GALNT14: variants seen among roughly 807,000 people sequenced by gnomAD.
The protein encoded by GALNT14 is polypeptide N-acetylgalactosaminyltransferase 14, also known as UDP-GalNAc:polypeptide N-acetylgalactosaminyltransferase 14.
In GALNT14, 60 loss-of-function variants were observed where a neutral mutation model predicts 77.5. The observed-to-expected ratio is 0.77, with a 90% CI of 0.63 to 0.96. The LOEUF (loss-of-function observed/expected upper bound fraction) is 0.96, where lower values mean the gene tolerates loss of function less well. Among genes scored for constraint, GALNT14 ranks in the 40% least tolerant of loss-of-function variants. The pLI, the probability that GALNT14 is intolerant of heterozygous loss-of-function variation, is 0.00. For missense variants in GALNT14, 710 were observed against 731.0 expected, an observed-to-expected ratio of 0.97 and a Z score of 0.33; for synonymous variants, 280 against 281.7, an observed-to-expected ratio of 0.99 and a Z score of 0.06.
the GALNT14 span, among the ~76,000 whole-genome samples, chr2:30,892,764 A>G: frequency 6.6e-5 from 10 of 152,210 alleles, no homozygotes; most frequent in African/African-American, 2.2e-4. Context: ...CAATGCTGAT[A>G]TCCTGACTTC....
intron 1 of GALNT14, chr2:31,079,068 T>C (rs1350432718): frequency 8.0e-7 from 1 of 1,251,204 alleles, no homozygotes; most frequent in Non-Finnish European, 1.0e-6. Flanking sequence ...TTTTCAATTC[T>C]AGAAAACATA....
Position 30,992,922 on chromosome 2 carries a change from T to A in GALNT14, c.215A>T (p.Asp72Val), listed in dbSNP as rs1558474417. The A allele has an allele frequency of 3.1e-6, 5 of 1,613,960 alleles. No individual in the cohort carries two copies. Among genetic ancestry groups the A allele is most frequent in the Non-Finnish European group, 4.2e-6 (5 of 1,179,964 alleles). ...GTTGAAAGCATACAGCTTATAGGGG[T>A]CGTCACCAACGCGCCACTTTTTGGC... ...LNAKKWRVGD[D>V]PYKLYAFNQR... The change falls in exon 2 of 15, where the codon GAC becomes GTC. Residue 72 changes from aspartate (D) to valine (V), a missense_variant. Transcript: ENST00000349752.
At chr2:31,047,627 C>A (rs1472343960) in intron 1 of GALNT14, among the ~76,000 whole-genome samples, 1 of 152,200 alleles carries the variant, frequency 6.6e-6, no homozygotes, top group Non-Finnish European at 1.5e-5. Context: ...GAGCTAGTGA[C>A]CTTGAGGGGT....
intron 1 of GALNT14, among the ~76,000 whole-genome samples, chr2:30,995,324 A>T (rs955940793): frequency 6.6e-6 from 1 of 152,176 alleles, no homozygotes; most frequent in African/African-American, 2.4e-5. Context: ...ACACATACTT[A>T]CCATTGTGTT....
the GALNT14 span, among the ~76,000 whole-genome samples, chr2:30,896,390 A>C: frequency 6.6e-6 from 1 of 152,250 alleles, no homozygotes; most frequent in African/African-American, 2.4e-5. Context: ...GCCTAGAACC[A>C]GAACCCAGAA....
intron 11 of GALNT14, among the ~76,000 whole-genome samples, chr2:30,925,159 G>C (rs731325): frequency 0.021 from 3,270 of 152,200 alleles, 79 homozygotes; most frequent in East Asian, 0.076. Context: ...TTTACCGCTG[G>C]GGCTCTGGGC....
intron 6 of GALNT14, among the ~76,000 whole-genome samples, chr2:30,947,330 C>G (rs1402723386): frequency 6.6e-6 from 1 of 152,226 alleles, no homozygotes; most frequent in African/African-American, 2.4e-5. Context: ...AAGAACAGGC[C>G]TATCTCTAGC....
rs767281270 is a variant in GALNT14, at chr2:30,944,931, T to C, written c.754A>G (p.Ser252Gly). ...AGCTGCTCCCACTGGAAGTGGAGGC[T>C]CCAGTCAAACCCTACAACACAGCAC... ...ASELRGGFDW[S>G]LHFQWEQLSP... Residue 252 changes from serine (S) to glycine (G), a missense_variant, in exon 8 of 15, where the codon AGC becomes GGC. Coordinates refer to ENST00000349752, the MANE Select transcript of GALNT14 (RefSeq NM_024572.4). 1 of 1,609,746 alleles carries C rather than the reference T, an allele frequency of 6.2e-7. No homozygotes were observed. Among genetic ancestry groups the C allele is most frequent in the Admixed American group, 1.7e-5 (1 of 59,714 alleles).
At chr2:30,900,377 TACA>T in the GALNT14 span, among the ~76,000 whole-genome samples, 1 of 152,226 alleles carries the variant, frequency 6.6e-6, no homozygotes, top group African/African-American at 2.4e-5. Context: ...CTATGTGTAT[TACA>T]ACAAGATTTT....
At chr2:30,943,496 T>C (rs1342836215) in intron 8 of GALNT14, among the ~76,000 whole-genome samples, 4 of 152,182 alleles carry the variant, frequency 2.6e-5, no homozygotes, top group African/African-American at 7.2e-5. Flanking sequence ...ACTGGCTTCA[T>C]CCTGGGAAAC....
At chr2:31,025,462 G>A (rs1671982226) in intron 1 of GALNT14, among the ~76,000 whole-genome samples, 1 of 152,188 alleles carries the variant, frequency 6.6e-6, no homozygotes, top group Non-Finnish European at 1.5e-5. Context: ...GACAAGCTAA[G>A]GAGGCCACTG....
chr2:30,895,679 A>G, the GALNT14 span, among the ~76,000 whole-genome samples: 2 of 151,900 alleles, frequency 1.3e-5, no homozygotes, highest in Non-Finnish European at 2.9e-5. Context: ...CAGCCCTCCA[A>G]TTCTCTGCAA....
chr2:31,045,205 C>G (rs1417237507), intron 1 of GALNT14, among the ~76,000 whole-genome samples: 1 of 152,132 alleles, frequency 6.6e-6, no homozygotes, highest in African/African-American at 2.4e-5. Context: ...TGGCCCAAAC[C>G]TTGAACTTCA....
chr2:31,075,093 T>C (rs1245698125), intron 1 of GALNT14, among the ~76,000 whole-genome samples: 1 of 152,214 alleles, frequency 6.6e-6, no homozygotes, highest in African/African-American at 2.4e-5. Flanking sequence ...GAGTGAGCTC[T>C]CGCTCTGAGT....
At chr2:31,085,137 G>A (rs1676363700) in intron 1 of GALNT14, among the ~76,000 whole-genome samples, 2 of 152,174 alleles carry the variant, frequency 1.3e-5, no homozygotes, top group African/African-American at 4.8e-5. Flanking sequence ...GCCAGGTAAA[G>A]CCAAATGAAA....
chr2:30,889,301 G>T, the GALNT14 span, among the ~76,000 whole-genome samples: 1 of 152,310 alleles, frequency 6.6e-6, no homozygotes, highest in Non-Finnish European at 1.5e-5. Flanking sequence ...GTGTTTAACT[G>T]AATAGCAGGA....
At chr2:30,913,920 G>A (rs1233079022) in intron 13 of GALNT14, among the ~76,000 whole-genome samples, 1 of 152,150 alleles carries the variant, frequency 6.6e-6, no homozygotes. Flanking sequence ...AAAGTCATGA[G>A]ATACATTCCT....
intron 1 of GALNT14, among the ~76,000 whole-genome samples, chr2:31,013,059 A>G (rs1039123620): frequency 6.6e-6 from 1 of 152,212 alleles, no homozygotes; most frequent in Non-Finnish European, 1.5e-5. Flanking sequence ...ACTGATACCA[A>G]CTAAAGGGTT....
At chr2:31,101,912 A>G (rs1677299374) in intron 1 of GALNT14, among the ~76,000 whole-genome samples, 1 of 152,078 alleles carries the variant, frequency 6.6e-6, no homozygotes, top group East Asian at 1.9e-4. Context: ...CGATGGTTTT[A>G]TAAGGGGCTT....
Sources: allele counts gnomAD v4.1 joint callset (sites outside exome capture counted in the v4.1 genomes callset), GRCh38; gene constraint gnomAD v4.1.1; transcripts MANE v1.5; gene names NCBI Gene and HGNC (gene_info 2026-07-23, HGNC 2026-07-21).